The following RGS22 variants were observed in gnomAD, a reference collection of about 807,000 sequenced individuals.
The protein encoded by RGS22 is regulator of G protein signaling 22.
A neutral mutation model predicts 172.9 loss-of-function variants in RGS22; 148 were observed. That is an observed-to-expected ratio of 0.86 (90% confidence interval 0.75 to 0.98). RGS22 has a LOEUF of 0.98. RGS22 is among the 50% of genes least tolerant of loss of function. The pLI is 0.00. For synonymous variants in RGS22, 458 were observed against 480.2 expected (o/e 0.95, Z 0.60); for missense variants, 1,347 against 1,440.8 (o/e 0.93, Z 1.05).
chr8:100,014,706 G>C (rs947140531), intron 14 of RGS22, among the ~76,000 whole-genome samples: 3 of 152,072 alleles, frequency 2.0e-5, no homozygotes, highest in African/African-American at 7.2e-5. Flanking sequence ...ACTCACTAAA[G>C]TTCTATGCTC....
intron 20 of RGS22, among the ~76,000 whole-genome samples, chr8:99,989,732 C>T (rs901591810): frequency 3.3e-5 from 5 of 152,122 alleles, no homozygotes; most frequent in African/African-American, 1.2e-4. Flanking sequence ...GTAATCCCAA[C>T]TACTGGGGAG....
chr8:99,982,815 T>C (rs1812691583), intron 21 of RGS22, among the ~76,000 whole-genome samples: 1 of 152,176 alleles, frequency 6.6e-6, no homozygotes, highest in South Asian at 2.1e-4. Flanking sequence ...CTTAAAAAAT[T>C]GTCAACATTT....
intron 9 of RGS22, among the ~76,000 whole-genome samples, chr8:100,061,104 G>T (rs983954137): frequency 6.6e-6 from 1 of 152,144 alleles, no homozygotes; most frequent in African/African-American, 2.4e-5. Flanking sequence ...AGGATAACTG[G>T]CTGGCCATAT....
intron 14 of RGS22, among the ~76,000 whole-genome samples, chr8:100,016,867 T>C (rs1488069063): frequency 3.3e-5 from 5 of 151,534 alleles, no homozygotes; most frequent in Non-Finnish European, 5.9e-5. Flanking sequence ...TATACATATG[T>C]AACTAACCTG....
At position 100,041,858 on chromosome 8, in the gene RGS22, A is replaced by G; in HGVS notation, c.1882T>C (p.Ser628Pro). Residue 628 changes from serine to proline, a missense_variant, in exon 12 of 28, where the codon TCT (serine) becomes CCT (proline). By Grantham distance (74) the Ser-to-Pro change is moderately conservative. Transcript: ENST00000360863. ...VIHLTSFTDI[S>P]ECLKPQLDRR... Reference sequence around the variant, plus strand: ...TCCAGCTGGGGCTTGAGACATTCAGAAATGTCAGTAAAAGATGTTAAATGA... The same window carrying G: ...TCCAGCTGGGGCTTGAGACATTCAGGAATGTCAGTAAAAGATGTTAAATGA... The G allele has an allele frequency of 6.2e-7, 1 of 1,613,396 alleles. No homozygotes were observed. The highest frequency in any genetic ancestry group is 8.5e-7 in the Non-Finnish European group (1 of 1,179,522).
intron 10 of RGS22, among the ~76,000 whole-genome samples, chr8:100,051,881 ATTTATATATAAATG>A (rs1821573445): frequency 1.7e-5 from 1 of 59,850 alleles, no homozygotes; most frequent in African/African-American, 6.5e-5. Flanking sequence ...ATATTTATAT[ATTTATATATAAATG>A]TTTATATATT....
intron 14 of RGS22, among the ~76,000 whole-genome samples, chr8:100,031,636 T>C (rs1278434416): frequency 6.6e-6 from 1 of 152,088 alleles, no homozygotes; most frequent in Non-Finnish European, 1.5e-5. Context: ...CTTATTTTTA[T>C]TTAAATATCA....
intron 7 of RGS22, among the ~76,000 whole-genome samples, chr8:100,064,378 G>A (rs535166053): frequency 6.6e-6 from 1 of 152,140 alleles, no homozygotes; most frequent in Non-Finnish European, 1.5e-5. Flanking sequence ...CACAAGAATC[G>A]CTTGAACCCA....
At chr8:100,051,141 A>T (rs1177711812) in intron 10 of RGS22, among the ~76,000 whole-genome samples, 2 of 151,900 alleles carry the variant, frequency 1.3e-5, no homozygotes, top group Non-Finnish European at 2.9e-5. Context: ...AGCCATCTGC[A>T]TATCTGGAGG....
intron 14 of RGS22, among the ~76,000 whole-genome samples, chr8:100,034,461 A>G (rs898028273): frequency 5.3e-5 from 8 of 152,222 alleles, no homozygotes; most frequent in African/African-American, 1.9e-4. Flanking sequence ...CAACGAAATA[A>G]AAGAGGACAC....
At chr8:99,977,721 C>T (rs530829039) in intron 23 of RGS22, among the ~76,000 whole-genome samples, 196 bp downstream of exon 23, 1 of 152,266 alleles carries the variant, frequency 6.6e-6, no homozygotes, top group South Asian at 2.1e-4. Flanking sequence ...GAAGTCTTCA[C>T]TTAGAAGAGA....
intron 20 of RGS22, among the ~76,000 whole-genome samples, 182 bp downstream of exon 20, chr8:99,996,280 T>C (rs953620983): frequency 6.6e-6 from 1 of 152,062 alleles, no homozygotes; most frequent in Non-Finnish European, 1.5e-5. Flanking sequence ...AGAACAGAGT[T>C]CTGATAGAGT....
intron 3 of RGS22, among the ~76,000 whole-genome samples, chr8:100,082,442 T>G (rs1563713995): frequency 6.6e-6 from 1 of 152,212 alleles, no homozygotes. Context: ...CCATGTGTGC[T>G]CAATGTTTAG....
intron 19 of RGS22, among the ~76,000 whole-genome samples, chr8:99,998,881 G>C (rs1054144601): frequency 1.3e-5 from 2 of 152,164 alleles, no homozygotes; most frequent in African/African-American, 4.8e-5. Flanking sequence ...CTAAGGCCTG[G>C]CATGGCGTCT....
In RGS22 at chr8:99,989,526, A is replaced by C. The variant is rs571861752; in HGVS notation, c.3019-1907T>G. On this transcript the variant is annotated intron_variant, in intron 20 of 27. Coordinates refer to ENST00000360863, the MANE Select transcript of RGS22 (RefSeq NM_015668.5). ...GGATGCCTGAGAGCAGCGTACAGTT[A>C]TGATTAAAATGCAGTTCTAAATAGA... Among the ~76,000 whole-genome samples, 9 of 152,282 alleles carry C rather than the reference A, an allele frequency of 5.9e-5. No individual in the cohort carries two copies. The East Asian group carries it at 1.5e-3, about 26-fold the overall frequency.
At chr8:100,026,080 A>C (rs1487129557) in intron 14 of RGS22, among the ~76,000 whole-genome samples, 2 of 152,242 alleles carry the variant, frequency 1.3e-5, no homozygotes, top group South Asian at 2.1e-4. Context: ...AGGCTAGGAA[A>C]AATGTGTGCT....
At chr8:99,984,788 GACACACACACACACACACAC>G (rs111285438) in intron 21 of RGS22, among the ~76,000 whole-genome samples, 1 of 139,630 alleles carries the variant, frequency 7.2e-6, no homozygotes, top group Non-Finnish European at 1.6e-5. Context: ...AGTCTTTACG[GACACACACACACACACACAC>G]ACACACACAC....
At chr8:100,104,594 T>C (rs1181555616) in intron 2 of RGS22, among the ~76,000 whole-genome samples, 1 of 152,194 alleles carries the variant, frequency 6.6e-6, no homozygotes, top group Non-Finnish European at 1.5e-5. Context: ...CCTGCTAGAC[T>C]GTGAACTTCT....
chr8:99,985,564 T>C (rs891192114), intron 21 of RGS22, among the ~76,000 whole-genome samples: 6 of 152,198 alleles, frequency 3.9e-5, no homozygotes, highest in African/African-American at 1.2e-4. Flanking sequence ...TCTTCCTGCC[T>C]GAAAGAGGGC....
Sources: gnomAD v4.1 joint callset for allele counts (sites outside exome capture counted in the v4.1 genomes callset) on GRCh38, gnomAD v4.1.1 for gene constraint, MANE v1.5 for transcripts, NCBI Gene and HGNC (gene_info 2026-07-23, HGNC 2026-07-21) for gene names.